Variants in BCL7B observed in about 807,000 individuals in gnomAD.
BCL7B encodes BAF chromatin remodeling complex subunit BCL7B.
A neutral mutation model predicts 26.5 loss-of-function variants in BCL7B; 11 were observed. The ratio of observed to expected loss-of-function variants is 0.42; its 90% CI spans 0.26 to 0.69. The LOEUF is 0.69. BCL7B is among the 30% of genes least tolerant of loss of function. The probability of loss-of-function intolerance (pLI) is 0.28; values close to 1 mark genes in which losing one functional copy is unlikely to be tolerated. For synonymous variants in BCL7B, 111 were observed against 107.9 expected (o/e 1.03, Z -0.18); for missense variants, 215 against 264.4 (o/e 0.81, Z 1.30).
chr7:73,552,738 G>A (rs1018381129), intron 1 of BCL7B, among the ~76,000 whole-genome samples: 2 of 151,382 alleles, frequency 1.3e-5, no homozygotes, highest in Non-Finnish European at 2.9e-5. Flanking sequence ...CTGAGATCAC[G>A]CCACCACACT....
At chr7:73,551,602 C>A (rs1442420857) in intron 2 of BCL7B, among the ~76,000 whole-genome samples, 1 of 152,060 alleles carries the variant, frequency 6.6e-6, no homozygotes, top group Non-Finnish European at 1.5e-5. Context: ...CCACGCCCAG[C>A]CAGTTATGTT....
At chr7:73,539,815 C>T (rs111524714) in intron 4 of BCL7B, 67 bp downstream of exon 4, 101 of 1,567,946 alleles carry the variant, frequency 6.4e-5, no homozygotes, top group African/African-American at 6.3e-4. Flanking sequence ...ACTCTAAAGA[C>T]GAGACACAAC....
At chr7:73,555,342 C>T (rs965712502) in intron 1 of BCL7B, among the ~76,000 whole-genome samples, 2 of 149,994 alleles carry the variant, frequency 1.3e-5, no homozygotes, top group Non-Finnish European at 2.9e-5. Context: ...GCAGAGGTTG[C>T]CGTGAGCCAA....
intron 2 of BCL7B, among the ~76,000 whole-genome samples, chr7:73,549,921 A>G (rs1792094465): frequency 6.6e-6 from 1 of 152,210 alleles, no homozygotes; most frequent in Admixed American, 6.6e-5. Context: ...GAGAGTCATT[A>G]CCTTTAGAGG....
Position 73,539,721 on chromosome 7 carries a change from T to C in BCL7B, c.436+161A>G, listed in dbSNP as rs1183984807. ...ATGCTTGTTTTCTCCCTTCCCTCTG[T>C]GAAAGGGGAAACTATAATCATTCCT... On this transcript the variant is annotated intron_variant, in intron 4 of 5. Transcript: ENST00000223368. 10 of 822,930 alleles carry C rather than the reference T, an allele frequency of 1.2e-5. No individual in the cohort carries two copies. In the East Asian group the frequency reaches 2.7e-4, roughly 22 times the overall value. The allele number at this position is 822,930 out of a possible 1,614,324, so 51.0% of individuals were successfully genotyped here.
chr7:73,555,627 C>G (rs1554584634), intron 1 of BCL7B, among the ~76,000 whole-genome samples: 1 of 152,036 alleles, frequency 6.6e-6, no homozygotes, highest in African/African-American at 2.4e-5. Flanking sequence ...GGTAAGACAG[C>G]GGGCATCCTG....
chr7:73,541,960 T>C (rs1554582922), intron 3 of BCL7B, among the ~76,000 whole-genome samples: 1 of 152,206 alleles, frequency 6.6e-6, no homozygotes, highest in Non-Finnish European at 1.5e-5. Context: ...TGCCTTCTCT[T>C]GTCCTGGAAA....
rs782452325 is a variant in BCL7B at position 73,537,359 on chromosome 7, G to A, written c.548C>T (p.Pro183Leu). ...GTCCACACAGAAGCGCTTCAGGGGCGGGGCACCTGAGTCTTCCTCTTCCTC... is the reference window on the plus strand; with the variant it reads ...GTCCACACAGAAGCGCTTCAGGGGCAGGGCACCTGAGTCTTCCTCTTCCTC... ...VVEEEEDSGA[P>L]PLKRFCVDQP... Residue 183 changes from proline to leucine, a missense_variant, in exon 6 of 6, where the codon CCG (proline) becomes CTG (leucine). By Grantham distance (98) the Pro-to-Leu change is moderately conservative. Transcript: ENST00000223368. 8.1e-6 allele frequency: 13 copies of A among 1,614,040 alleles called. No individual in the cohort carries two copies. The highest frequency in any genetic ancestry group is 2.2e-5 in the South Asian group (2 of 91,082).
rs1791857996 is a variant in BCL7B at position 73,543,771 on chromosome 7, G to A, written c.169-127C>T. The A allele has an allele frequency of 2.8e-5, 19 of 686,492 alleles. 1 individual carries two copies. The East Asian group carries it at 5.0e-4, about 18-fold the overall frequency. The allele number at this position is 686,492 out of a possible 1,614,324, so 42.5% of individuals were successfully genotyped here. A position where few individuals can be genotyped will look rare whatever the true frequency, so the allele number is the denominator to read the frequency against. Reference sequence around the variant, plus strand: ...TGAACAGGAAAAACGACAGCAGCGTGAGAATCCAAGGACCCAAGGAAGAAC... The same window carrying A: ...TGAACAGGAAAAACGACAGCAGCGTAAGAATCCAAGGACCCAAGGAAGAAC... On this transcript the variant is annotated intron_variant, in intron 2 of 5. Coordinates refer to ENST00000223368, the MANE Select transcript of BCL7B (RefSeq NM_001707.4).
chr7:73,544,438 TA>T (rs1358657097), intron 2 of BCL7B, among the ~76,000 whole-genome samples: 7 of 147,698 alleles, frequency 4.7e-5, no homozygotes, highest in Admixed American at 2.1e-4. Flanking sequence ...AAACAAAAAA[TA>T]AAATAAATAA....
chr7:73,541,004 G>A lies in BCL7B; in HGVS notation c.266-952C>T, dbSNP rs559990681. Among the ~76,000 whole-genome samples the A allele has an allele frequency of 1.8e-3, 268 of 151,886 alleles. 2 individuals carry two copies. The highest frequency in any genetic ancestry group is 7.4e-4 in the Non-Finnish European group (50 of 67,952). ...TCTACTGAAAATACAAAAATTAGCC[G>A]GGCATGATAGCACGCGCCTGTAATC... On this transcript the variant is annotated intron_variant, in intron 3 of 5. Coordinates refer to ENST00000223368, the MANE Select transcript of BCL7B (RefSeq NM_001707.4).
At chr7:73,538,063 G>T in intron 4 of BCL7B, 50 bp from the exon 5 acceptor site, 1 of 1,276,766 alleles carries the variant, frequency 7.8e-7, no homozygotes, top group Non-Finnish European at 1.1e-6. Flanking sequence ...CTGAGGCCTG[G>T]ACCTGGGGGA....
chr7:73,542,983 T>G (rs1384132270), intron 3 of BCL7B: 3 of 345,158 alleles, frequency 8.7e-6, no homozygotes, highest in Non-Finnish European at 1.8e-5. Context: ...GGACCTGACA[T>G]GGAGTCTGTC....
At chr7:73,557,442 C>G in intron 1 of BCL7B, 45 bp downstream of exon 1, 1 of 1,297,432 alleles carries the variant, frequency 7.7e-7, no homozygotes, top group Non-Finnish European at 9.9e-7. Flanking sequence ...TCCTCAGGGC[C>G]TGGATCCGCG....
In BCL7B at chr7:73,552,164, T is replaced by A. The variant is rs1554584228; in HGVS notation, c.168+3A>T. On this transcript the variant is annotated splice_donor_region_variant and intron_variant, in intron 2 of 5. Transcript: ENST00000223368. ...GTATCTTTTGATTTTCTTCCACACT[T>A]ACCTCCTTGCTGTCTGTCACAGGAA... The A allele has an allele frequency of 2.5e-6, 4 of 1,606,624 alleles. No homozygotes were observed. In the Admixed American group the frequency reaches 5.2e-5, roughly 21 times the overall value.
rs1554582222 is a variant in BCL7B, at chr7:73,537,225, A to T, written c.*73T>A. 1 of 1,492,180 alleles carries T rather than the reference A, an allele frequency of 6.7e-7. No homozygotes were observed. The highest frequency in any genetic ancestry group is 9.3e-7 in the Non-Finnish European group (1 of 1,076,128). The allele number at this position is 1,492,180 out of a possible 1,614,324, so 92.4% of individuals were successfully genotyped here. ...TGACCCCAGTGCTTGCCCTTACCCC[A>T]GCAACGCGGCGCGGCCAGAACCAGA... On this transcript the variant is annotated 3_prime_UTR_variant, in exon 6 of 6. Transcript: ENST00000223368.
rs1554584007 is a variant in BCL7B at position 73,550,633 on chromosome 7, AT to A, written c.168+1533del. On this transcript the variant is annotated intron_variant, in intron 2 of 5. Transcript: ENST00000223368. ...GAGGTTCTGGCAAAATACTGTACAT[AT>A]TTTTTTTTTGTTTTTTTTTTGTTTG... Among the ~76,000 whole-genome samples the A allele has an allele frequency of 1.2e-3, 50 of 42,242 alleles. No homozygotes were observed. The South Asian group carries it at 0.014, about 12-fold the overall frequency. The allele number at this position is 42,242 out of a possible 152,430, so 27.7% of individuals were successfully genotyped here. A position where few individuals can be genotyped will look rare whatever the true frequency, so the allele number is the denominator to read the frequency against.
intron 4 of BCL7B, 87 bp from the exon 5 acceptor site, chr7:73,538,100 C>G (rs2115728980): frequency 2.6e-6 from 2 of 780,838 alleles, no homozygotes; most frequent in East Asian, 5.7e-5. Context: ...GTGGAGGTGG[C>G]TTGGTGAGGA....
intron 2 of BCL7B, among the ~76,000 whole-genome samples, chr7:73,545,435 G>A (rs1401245558): frequency 6.6e-6 from 1 of 151,952 alleles, no homozygotes. Context: ...GGATGGTCTC[G>A]ATCTCCTGGC....
Sources: allele counts gnomAD v4.1 joint callset (sites outside exome capture counted in the v4.1 genomes callset), GRCh38; gene constraint gnomAD v4.1.1; transcripts MANE v1.5; gene names NCBI Gene and HGNC (gene_info 2026-07-23, HGNC 2026-07-21).